TTLL11: variants seen among roughly 807,000 people sequenced by gnomAD.
TTLL11 encodes the protein tubulin polyglutamylase TTLL11.
Under a neutral mutation model 51.7 loss-of-function variants are expected in TTLL11, and 42 were observed. That is an observed-to-expected ratio of 0.81 (90% CI 0.64 to 1.05). The LOEUF (loss-of-function observed/expected upper bound fraction) is 1.05, where lower values mean the gene tolerates loss of function less well. TTLL11 is among the 50% of genes least tolerant of loss of function. The pLI is 0.00. For missense variants in TTLL11, 799 were observed against 940.4 expected, an observed-to-expected ratio of 0.85 and a Z score of 1.97; for synonymous variants, 381 against 383.5, an observed-to-expected ratio of 0.99 and a Z score of 0.08.
Position 121,903,151 on chromosome 9 carries a change from G to A in TTLL11, c.1482-32403C>T, listed in dbSNP as rs377297473. Among the ~76,000 whole-genome samples the A allele has an allele frequency of 5.9e-5, 9 of 152,224 alleles. No homozygotes were observed. In the South Asian group the frequency reaches 1.9e-3, roughly 32 times the overall value. ...CTGAAACTGCACTGTATTTCACATA[G>A]ATCCTCTAATCCTCATACCACGCCT... On this transcript the variant is annotated intron_variant, in intron 6 of 8. Transcript: ENST00000321582.
At chr9:121,954,522 T>C (rs1259915880) in intron 6 of TTLL11, among the ~76,000 whole-genome samples, 2 of 152,218 alleles carry the variant, frequency 1.3e-5, no homozygotes, top group Non-Finnish European at 2.9e-5. Context: ...CACAATCCTA[T>C]TTTTCTTCTT....
At chr9:121,837,512 C>A (rs776128980) in intron 8 of TTLL11, among the ~76,000 whole-genome samples, 1 of 151,776 alleles carries the variant, frequency 6.6e-6, no homozygotes, top group South Asian at 2.1e-4. Flanking sequence ...GGGCCTGGAG[C>A]GGGTGGGGGT....
chr9:121,981,754 G>A (rs889824183), intron 4 of TTLL11, among the ~76,000 whole-genome samples: 1 of 152,176 alleles, frequency 6.6e-6, no homozygotes, highest in African/African-American at 2.4e-5. Context: ...AATAGCATGG[G>A]TCTAGAGTAA....
chr9:121,860,215 G>A, intron 8 of TTLL11, 122 bp downstream of exon 8: 2 of 716,406 alleles, frequency 2.8e-6, no homozygotes, highest in Non-Finnish European at 4.6e-6. Context: ...CTGGGATTAT[G>A]TCTAGATCTG....
At chr9:122,057,690 C>G (rs1048437108) in intron 1 of TTLL11, among the ~76,000 whole-genome samples, 14 of 152,154 alleles carry the variant, frequency 9.2e-5, no homozygotes, top group African/African-American at 3.4e-4. Context: ...TGGAAAGGCC[C>G]TGAGCTTCTC....
intron 6 of TTLL11, among the ~76,000 whole-genome samples, chr9:121,913,076 C>G (rs1459071853): frequency 6.6e-6 from 1 of 152,100 alleles, no homozygotes; most frequent in Non-Finnish European, 1.5e-5. Flanking sequence ...CTCCAGTCAC[C>G]CTGCTCCACC....
chr9:121,980,989 T>C (rs1247023213), intron 4 of TTLL11, among the ~76,000 whole-genome samples: 1 of 152,222 alleles, frequency 6.6e-6, no homozygotes, highest in African/African-American at 2.4e-5. Context: ...CATCACTGGT[T>C]TTCCAATAGT....
intron 8 of TTLL11, among the ~76,000 whole-genome samples, chr9:121,836,841 C>T (rs1837193082): frequency 6.6e-6 from 1 of 152,192 alleles, no homozygotes; most frequent in South Asian, 2.1e-4. Flanking sequence ...CAGACAGAGG[C>T]AATGCACAGG....
At position 121,819,160 on chromosome 9, in the gene TTLL11, C is replaced by T. The variant is rs1449903013; in HGVS notation, c.*3427G>A. 1 of 152,436 alleles carries T rather than the reference C, an allele frequency of 6.6e-6. No homozygotes were observed. Among genetic ancestry groups the T allele is most frequent in the Non-Finnish European group, 1.5e-5 (1 of 68,236 alleles). 9.4% of individuals were successfully genotyped at this position (152,436 alleles called of 1,614,324 possible). ...AGGGGTCTGTTGGGACCAGCACTTG[C>T]TAACAGCTGCACTGAATCTAGCGGG... is the stretch of plus-strand genomic sequence containing the variant. On this transcript the variant is annotated 3_prime_UTR_variant, in exon 9 of 9. Coordinates refer to ENST00000321582, the MANE Select transcript of TTLL11 (RefSeq NM_001139442.2).
At chr9:122,071,486 T>C (rs1845726427) in intron 1 of TTLL11, among the ~76,000 whole-genome samples, 1 of 152,158 alleles carries the variant, frequency 6.6e-6, no homozygotes, top group Admixed American at 6.5e-5. Context: ...TGGCCCTCTG[T>C]GGCTGGAAAC....
At chr9:121,960,323 T>C (rs140540834) in intron 6 of TTLL11, among the ~76,000 whole-genome samples, 82 of 152,312 alleles carry the variant, frequency 5.4e-4, no homozygotes, top group Middle Eastern at 3.4e-3. Flanking sequence ...TGAATAACCA[T>C]AATGAGTGCA....
At position 121,856,712 on chromosome 9, in the gene TTLL11, G is replaced by A. The variant is rs917103955; in HGVS notation, c.1840+3625C>T. On this transcript the variant is annotated intron_variant, in intron 8 of 8. Transcript: ENST00000321582. ...ACCCAGGCTCTATCATTCTTCACAG[G>A]CTTCTTTCTTTTCAGCCCCCAGCAG... Among the ~76,000 whole-genome samples the A allele has an allele frequency of 5.3e-5, 8 of 152,236 alleles. No homozygotes were observed. In the South Asian group the frequency reaches 1.2e-3, roughly 24 times the overall value.
intron 1 of TTLL11, among the ~76,000 whole-genome samples, chr9:122,063,756 C>T (rs1845497048): frequency 1.3e-5 from 2 of 152,196 alleles, no homozygotes; most frequent in Non-Finnish European, 2.9e-5. Context: ...TCCCAGTTTG[C>T]CCAGGACTGT....
intron 2 of TTLL11, among the ~76,000 whole-genome samples, chr9:122,038,500 T>G (rs1225559589): frequency 6.6e-6 from 1 of 151,890 alleles, no homozygotes; most frequent in Non-Finnish European, 1.5e-5. Flanking sequence ...AAATACAAAA[T>G]TAGCCGGGTA....
intron 7 of TTLL11, among the ~76,000 whole-genome samples, chr9:121,865,509 A>T (rs1358729612): frequency 6.6e-6 from 1 of 152,178 alleles, no homozygotes; most frequent in Non-Finnish European, 1.5e-5. Context: ...AGCATACGCA[A>T]ACTGATGTCC....
chr9:121,862,769 G>A (rs1231126213), intron 7 of TTLL11, among the ~76,000 whole-genome samples: 6 of 152,358 alleles, frequency 3.9e-5, no homozygotes, highest in East Asian at 1.9e-4. Flanking sequence ...ATTCAATGCC[G>A]CTTTCAACTT....
In TTLL11 at chr9:121,944,747, T is replaced by C. The variant is rs377228897; in HGVS notation, c.1481+29262A>G. ...AACAAGGACATAGGCCAGCCCCAGG[T>C]TGAATTCCAGCCTGGCCCACACTGG... On this transcript the variant is annotated intron_variant, in intron 6 of 8. Coordinates refer to ENST00000321582, the MANE Select transcript of TTLL11 (RefSeq NM_001139442.2). 3.9e-5 allele frequency among the ~76,000 whole-genome samples: 6 copies of C among 152,280 alleles called. No individual in the cohort carries two copies. In the East Asian group the frequency reaches 1.2e-3, roughly 29 times the overall value.
chr9:121,951,201 G>C (rs1841843130), intron 6 of TTLL11, among the ~76,000 whole-genome samples: 1 of 152,202 alleles, frequency 6.6e-6, no homozygotes, highest in Non-Finnish European at 1.5e-5. Context: ...CAGCTTCCAG[G>C]AGAAGCTACA....
intron 6 of TTLL11, among the ~76,000 whole-genome samples, chr9:121,972,228 T>C (rs1259305567): frequency 6.6e-6 from 1 of 152,146 alleles, no homozygotes; most frequent in African/African-American, 2.4e-5. Flanking sequence ...CCAAATCTCC[T>C]TACAGTACCA....
Sources: allele counts gnomAD v4.1 joint callset (sites outside exome capture counted in the v4.1 genomes callset), GRCh38; gene constraint gnomAD v4.1.1; transcripts MANE v1.5; gene names NCBI Gene and HGNC (gene_info 2026-07-23, HGNC 2026-07-21).